Variants in HSPBAP1 observed in about 807,000 individuals in gnomAD.
The protein encoded by HSPBAP1 is HSPB1-associated protein 1.
In HSPBAP1, 27 loss-of-function variants were observed where a neutral mutation model predicts 45.2. The observed-to-expected ratio is 0.60, with a 90% CI of 0.44 to 0.82. The LOEUF (loss-of-function observed/expected upper bound fraction) is 0.82, where lower values mean the gene tolerates loss of function less well. Ranked by LOEUF, HSPBAP1 falls within the 40% of genes least tolerant of loss-of-function variation. The probability of loss-of-function intolerance (pLI) is 0.00; values close to 1 mark genes in which losing one functional copy is unlikely to be tolerated. For synonymous variants in HSPBAP1, 204 were observed against 202.7 expected, an observed-to-expected ratio of 1.01 and a Z score of -0.06; for missense variants, 510 against 590.9, an observed-to-expected ratio of 0.86 and a Z score of 1.42.
intron 6 of HSPBAP1, among the ~76,000 whole-genome samples, chr3:122,750,773 A>G (rs946677932): frequency 2.0e-5 from 3 of 152,216 alleles, no homozygotes; most frequent in Non-Finnish European, 4.4e-5. Flanking sequence ...GAAAGCCAGG[A>G]TACACTCAAA....
chr3:122,767,045 C>G (rs146618254), intron 3 of HSPBAP1, among the ~76,000 whole-genome samples: 4 of 152,140 alleles, frequency 2.6e-5, no homozygotes, highest in East Asian at 3.9e-4. Flanking sequence ...AACTATGAAA[C>G]CTGTAAGTTC....
At chr3:122,765,929 T>TA (rs1934763308) in intron 3 of HSPBAP1, among the ~76,000 whole-genome samples, 1 of 152,204 alleles carries the variant, frequency 6.6e-6, no homozygotes, top group Non-Finnish European at 1.5e-5. Context: ...GTGTGTGGTA[T>TA]AAAAAAATCC....
At chr3:122,755,943 C>T (rs1934340225) in intron 4 of HSPBAP1, among the ~76,000 whole-genome samples, 1 of 152,092 alleles carries the variant, frequency 6.6e-6, no homozygotes, top group Non-Finnish European at 1.5e-5. Context: ...AGGGAGTGGA[C>T]ATGCACAAAT....
chr3:122,740,645 G>T lies in HSPBAP1; in HGVS notation c.1167C>A (p.Gly389=), dbSNP rs963392219. The change falls in exon 8 of 8, where the codon GGC becomes GGA. Residue 389 remains glycine, a synonymous_variant. Transcript: ENST00000306103. The part of the protein sequence containing the change: ...TDKPEAASPF[G]PDLVPVAQRS... ...TCTGTGCTACAGGGACCAGATCAGG[G>T]CCAAAGGGACTTGCTGCCTCCGGTT... is the stretch of plus-strand genomic sequence containing the variant. 3 of 1,614,024 alleles carry T rather than the reference G, an allele frequency of 1.9e-6. No individual in the cohort carries two copies. In the African/African-American group the frequency reaches 4.0e-5, roughly 22 times the overall value.
At chr3:122,772,737 T>A (rs1157346159) in intron 2 of HSPBAP1, among the ~76,000 whole-genome samples, 1 of 152,106 alleles carries the variant, frequency 6.6e-6, no homozygotes, top group Non-Finnish European at 1.5e-5. Flanking sequence ...AAAATAAAAA[T>A]GTTAATAAAG....
intron 2 of HSPBAP1, among the ~76,000 whole-genome samples, chr3:122,770,109 T>TC (rs111443408): frequency 0.054 from 8,238 of 152,336 alleles, 280 homozygotes; most frequent in Middle Eastern, 0.11. Flanking sequence ...TTATCTTTTC[T>TC]TACGTTTCTG....
intron 1 of HSPBAP1, among the ~76,000 whole-genome samples, chr3:122,779,242 C>T (rs1351669105): frequency 7.3e-5 from 11 of 151,206 alleles, no homozygotes; most frequent in Non-Finnish European, 1.5e-4. Flanking sequence ...GGGCTTTCAC[C>T]ATCTTGGCCA....
At chr3:122,763,252 A>G (rs947591044) in intron 3 of HSPBAP1, among the ~76,000 whole-genome samples, 2 of 152,240 alleles carry the variant, frequency 1.3e-5, no homozygotes, top group Admixed American at 1.3e-4. Flanking sequence ...AGTGACAGAA[A>G]GTAGATCAGT....
chr3:122,749,850 T>A (rs940759112), intron 6 of HSPBAP1, among the ~76,000 whole-genome samples: 7 of 152,122 alleles, frequency 4.6e-5, no homozygotes, highest in Non-Finnish European at 1.0e-4. Flanking sequence ...GACCATGTGA[T>A]CTGCCCGCCT....
chr3:122,740,677 T>A lies in HSPBAP1; in HGVS notation c.1135A>T (p.Thr379Ser), dbSNP rs1383417069. 2.5e-6 allele frequency: 4 copies of A among 1,614,002 alleles called. No individual in the cohort carries two copies. The highest frequency in any genetic ancestry group is 3.4e-6 in the Non-Finnish European group (4 of 1,179,948). Residue 379 changes from threonine (T) to serine (S), a missense_variant, in exon 8 of 8, where the codon ACA becomes TCA. Physicochemically the swap from Thr to Ser is moderately conservative, Grantham distance 58. Transcript: ENST00000306103. Reference sequence around the variant, plus strand: ...GGACTTGCTGCCTCCGGTTTGTCTGTTCCTGTGGTCAAGTTCTGGCTACCT... The same window carrying A: ...GGACTTGCTGCCTCCGGTTTGTCTGATCCTGTGGTCAAGTTCTGGCTACCT... Reference protein sequence around the residue: ...QTGSQNLTTGTDKPEAASPFG... With the variant: ...QTGSQNLTTGSDKPEAASPFG...
At chr3:122,774,321 T>A (rs1935113208) in intron 2 of HSPBAP1, among the ~76,000 whole-genome samples, 1 of 152,014 alleles carries the variant, frequency 6.6e-6, no homozygotes, top group Non-Finnish European at 1.5e-5. Context: ...TAAGCTAAGA[T>A]CTGACAGAAG....
At chr3:122,746,284 A>AG (rs1268965243) in intron 6 of HSPBAP1, among the ~76,000 whole-genome samples, 3 of 50,600 alleles carry the variant, frequency 5.9e-5, no homozygotes, top group Admixed American at 2.6e-4. Context: ...TGGATCAAAA[A>AG]AAAAATCAAA....
At position 122,793,675 on chromosome 3, in the gene HSPBAP1, T is replaced by C; in HGVS notation, c.6A>G (p.Ala2=). The C allele has an allele frequency of 6.2e-7, 1 of 1,613,828 alleles. No individual in the cohort carries two copies. Among genetic ancestry groups the C allele is most frequent in the South Asian group, 1.1e-5 (1 of 91,076 alleles). The change falls in exon 1 of 8, where the codon GCA becomes GCG. Residue 2 remains alanine, a synonymous_variant. Transcript: ENST00000306103. The part of the protein sequence containing the change: M[A]AGSEATTPVI... ...CAGGAGTGGTCGCCTCGGAGCCTGC[T>C]GCCATGGCTACCGCAAGGCGGGTTC...
chr3:122,752,286 C>T (rs1012290619), intron 6 of HSPBAP1, among the ~76,000 whole-genome samples: 3 of 152,206 alleles, frequency 2.0e-5, no homozygotes, highest in African/African-American at 4.8e-5. Context: ...ATCGGCAAAT[C>T]TGGCCAGGCC....
intron 1 of HSPBAP1, among the ~76,000 whole-genome samples, chr3:122,787,663 A>G (rs1935696261): frequency 1.3e-5 from 2 of 152,210 alleles, no homozygotes; most frequent in African/African-American, 4.8e-5. Context: ...TATACATCTA[A>G]GTGTATATAT....
intron 2 of HSPBAP1, among the ~76,000 whole-genome samples, chr3:122,772,857 T>A (rs1051832027): frequency 6.6e-6 from 1 of 152,048 alleles, no homozygotes; most frequent in East Asian, 1.9e-4. Flanking sequence ...TCATTTTTTT[T>A]ACTTATTTTT....
intron 6 of HSPBAP1, among the ~76,000 whole-genome samples, chr3:122,747,489 G>C (rs1174654795): frequency 6.6e-6 from 1 of 151,572 alleles, no homozygotes; most frequent in East Asian, 2.0e-4. Flanking sequence ...GGGAGGTCGG[G>C]GGGGTCAGCC....
At chr3:122,762,449 C>A (rs1053820627) in intron 3 of HSPBAP1, among the ~76,000 whole-genome samples, 1 of 152,092 alleles carries the variant, frequency 6.6e-6, no homozygotes, top group Non-Finnish European at 1.5e-5. Context: ...GCACATCATA[C>A]CATTAATGCA....
intron 1 of HSPBAP1, among the ~76,000 whole-genome samples, chr3:122,783,424 A>G (rs916520060): frequency 5.9e-5 from 9 of 152,174 alleles, no homozygotes; most frequent in South Asian, 2.1e-4. Flanking sequence ...TTTTTTTATT[A>G]TACGTTTTTA....
Sources: allele counts gnomAD v4.1 joint callset (sites outside exome capture counted in the v4.1 genomes callset), GRCh38; gene constraint gnomAD v4.1.1; transcripts MANE v1.5; gene names NCBI Gene and HGNC (gene_info 2026-07-23, HGNC 2026-07-21).